The following SMARCA4 variants were observed in gnomAD, a reference collection of about 807,000 sequenced individuals.
SMARCA4 encodes SWI/SNF-related matrix-associated actin-dependent regulator of chromatin subfamily A member 4.
Under a neutral mutation model 193.9 loss-of-function variants are expected in SMARCA4, and 31 were observed. The observed-to-expected ratio is 0.16, with a 90% CI of 0.12 to 0.22. The LOEUF (loss-of-function observed/expected upper bound fraction) is 0.22, where lower values mean the gene tolerates loss of function less well. Among genes scored for constraint, SMARCA4 ranks in the 10% least tolerant of loss-of-function variants. The pLI is 1.00. For missense variants in SMARCA4, 1,148 were observed against 2,296.0 expected (o/e 0.50, Z 10.22); for synonymous variants, 942 against 933.1 (o/e 1.01, Z -0.17).
In SMARCA4 at chr19:10,987,746, G is replaced by A. The variant is rs764188556; in HGVS notation, c.940G>A (p.Ala314Thr). The change falls in exon 6 of 35, where the codon GCG (alanine) becomes ACG (threonine). Residue 314 changes from alanine to threonine, a missense_variant. Ala to Thr is a moderately conservative substitution (Grantham distance 58, BLOSUM62 0). Transcript: ENST00000344626. The surrounding 1 kb of genome is among the most constrained non-coding windows in gnomAD (Gnocchi z 5.3). The part of the protein sequence containing the change: ...PPQPTGRPSP[A>T]PPAVPPAASP... ...GCAGCCAACGGGCCGCCCTTCCCCC[G>A]CGCCCCCTGCCGTCCCACCCGCCGC... The A allele has an allele frequency of 4.5e-6, 7 of 1,566,638 alleles. No homozygotes were observed. The highest frequency in any genetic ancestry group is 1.7e-5 in the Admixed American group (1 of 58,800).
chr19:10,990,746 G>T (rs928846354), intron 7 of SMARCA4, among the ~76,000 whole-genome samples: 3 of 152,194 alleles, frequency 2.0e-5, no homozygotes, highest in Admixed American at 1.3e-4. Context: ...TTTTGTAGAA[G>T]TGAGGTCTCT....
At chr19:11,006,608 C>A (rs982214737) in intron 13 of SMARCA4, among the ~76,000 whole-genome samples, 1 of 151,762 alleles carries the variant, frequency 6.6e-6, no homozygotes. Flanking sequence ...AAAAATTAGC[C>A]GGGGTGATGG....
chr19:11,013,917 C>T (rs2089108541), intron 16 of SMARCA4, among the ~76,000 whole-genome samples: 1 of 152,118 alleles, frequency 6.6e-6, no homozygotes, highest in African/African-American at 2.4e-5. Flanking sequence ...CAGAGTCCGC[C>T]CCCCTGCCCA....
intron 16 of SMARCA4, among the ~76,000 whole-genome samples, chr19:11,017,448 C>T (rs1057430689): frequency 2.0e-5 from 3 of 152,242 alleles, no homozygotes; most frequent in African/African-American, 7.2e-5. Flanking sequence ...TGCTGTGGAA[C>T]GCCAGCTCCT....
At chr19:10,972,577 G>GTCA (rs1568398817) in intron 1 of SMARCA4, among the ~76,000 whole-genome samples, 1 of 152,166 alleles carries the variant, frequency 6.6e-6, no homozygotes, top group Non-Finnish European at 1.5e-5. Flanking sequence ...TTTGGGGGTA[G>GTCA]TCATCAGTAA....
At chr19:11,054,328 G>T (rs2076424710) in intron 30 of SMARCA4, among the ~76,000 whole-genome samples, 1 of 152,212 alleles carries the variant, frequency 6.6e-6, no homozygotes, top group Admixed American at 6.5e-5. Flanking sequence ...CCCACCTCGG[G>T]ACCTGCTGCT....
chr19:11,026,943 C>G (rs2090309878), intron 23 of SMARCA4, among the ~76,000 whole-genome samples: 1 of 152,194 alleles, frequency 6.6e-6, no homozygotes, highest in African/African-American at 2.4e-5. Flanking sequence ...CTCTCTGAGC[C>G]TAAACTCTGC....
At chr19:11,060,520 G>T in intron 34 of SMARCA4, 1 of 473,804 alleles carries the variant, frequency 2.1e-6, no homozygotes, top group Non-Finnish European at 3.9e-6. Context: ...CTTGATTAGG[G>T]TTGGGTAGGA....
chr19:11,033,206 A>G lies in SMARCA4; in HGVS notation c.3547-84A>G. The G allele has an allele frequency of 2.9e-6, 3 of 1,045,116 alleles. No individual in the cohort carries two copies. The highest frequency in any genetic ancestry group is 4.5e-6 in the Non-Finnish European group (3 of 666,638). The allele number at this position is 1,045,116 out of a possible 1,614,324, so 64.7% of individuals were successfully genotyped here. A position where few individuals can be genotyped will look rare whatever the true frequency, so the allele number is the denominator to read the frequency against. On this transcript the variant is annotated intron_variant, in intron 25 of 34. Transcript: ENST00000344626. The surrounding 1 kb of genome is among the most constrained non-coding windows in gnomAD (Gnocchi z 9.8). Reference sequence around the variant, plus strand: ...AGGCCGAGGGTGGCACGCACAGCACACCTCTCCAGCTAGTGTCAGAGGCCA... The same window carrying G: ...AGGCCGAGGGTGGCACGCACAGCACGCCTCTCCAGCTAGTGTCAGAGGCCA...
chr19:11,039,605 ACGTGC>A, intron 29 of SMARCA4: 1 of 1,066,768 alleles, frequency 9.4e-7, no homozygotes, highest in Non-Finnish European at 1.4e-6. Flanking sequence ...AACACTGGGG[ACGTGC>A]CTAATGCCCC....
In SMARCA4 at chr19:11,041,648, C is replaced by T. The variant is rs2146828187; in HGVS notation, c.4424+88C>T. Reference sequence around the variant, plus strand: ...TGCACTCTGACTCTGCACACTCAGGCTTGGGCCGCTCACTCTTTCACTCAT... The same window carrying T: ...TGCACTCTGACTCTGCACACTCAGGTTTGGGCCGCTCACTCTTTCACTCAT... On this transcript the variant is annotated intron_variant, in intron 30 of 34. Coordinates refer to ENST00000344626, the MANE Select transcript of SMARCA4 (RefSeq NM_003072.5). This position sits in a 1 kb window ranked among gnomAD's most constrained non-coding sequence, Gnocchi z 5.6. 1 of 1,191,860 alleles carries T rather than the reference C, an allele frequency of 8.4e-7. No homozygotes were observed. 73.8% of individuals were successfully genotyped at this position (1,191,860 alleles called of 1,614,324 possible). A position where few individuals can be genotyped will look rare whatever the true frequency, so the allele number is the denominator to read the frequency against.
In SMARCA4 at chr19:11,019,025, T is replaced by C; in HGVS notation, c.2505+2T>C. On this transcript the variant is annotated splice_donor_variant, in intron 17 of 34. Coordinates refer to ENST00000344626, the MANE Select transcript of SMARCA4 (RefSeq NM_003072.5). LOFTEE classifies it high-confidence loss of function. The surrounding 1 kb of genome is among the most constrained non-coding windows in gnomAD (Gnocchi z 6.1). ...TCCGTGGTGAAGGTGTCTTACAAGGTAGGTCACAGCCACTGAGGTTTCCTC... is the reference window on the plus strand; with the variant it reads ...TCCGTGGTGAAGGTGTCTTACAAGGCAGGTCACAGCCACTGAGGTTTCCTC... The C allele has an allele frequency of 6.2e-7, 1 of 1,613,016 alleles. No homozygotes were observed. Among genetic ancestry groups the C allele is most frequent in the Non-Finnish European group, 8.5e-7 (1 of 1,178,934 alleles).
At position 10,996,362 on chromosome 19, in the gene SMARCA4, GAAGAAA is replaced by G. The variant is rs1600082918; in HGVS notation, c.1755_1760del (p.Lys587_Lys588del). 6 of 1,614,198 alleles carry G rather than the reference GAAGAAA, an allele frequency of 3.7e-6. No homozygotes were observed. Among genetic ancestry groups the G allele is most frequent in the Non-Finnish European group, 4.2e-6 (5 of 1,180,026 alleles). ...CTGCCCAGGTCGCCAAGGAGAAAAA[GAAGAAA>G]AAGAAAAAGAAGGTGTGCTGGGCCT... On this transcript the variant is annotated inframe_deletion, in exon 10 of 35. Transcript: ENST00000344626.
At chr19:11,048,690 C>G (rs987991479) in intron 30 of SMARCA4, among the ~76,000 whole-genome samples, 1 of 152,130 alleles carries the variant, frequency 6.6e-6, no homozygotes, top group Admixed American at 6.5e-5. Context: ...GGGGCCAGAC[C>G]CTTTTGGAGA....
At chr19:11,010,709 A>G (rs1045670487) in intron 15 of SMARCA4, among the ~76,000 whole-genome samples, 178 bp downstream of exon 15, 1 of 152,108 alleles carries the variant, frequency 6.6e-6, no homozygotes, top group African/African-American at 2.4e-5. Context: ...GTGGTCTGGT[A>G]GGTTAGCTGC....
At position 10,984,248 on chromosome 19, in the gene SMARCA4, G is replaced by C. The variant is rs1060502096; in HGVS notation, c.97G>C (p.Gly33Arg). ...TGGAGCCATGCTGGGCCCTAGCCCG[G>C]GTCCCTCGCCGGGCTCCGCCCACAG... Reference protein sequence around the residue: ...SPGAMLGPSPGPSPGSAHSMM... With the variant: ...SPGAMLGPSPRPSPGSAHSMM... Residue 33 changes from glycine (G) to arginine (R), a missense_variant, in exon 2 of 35, where the codon GGT (glycine) becomes CGT (arginine). Coordinates refer to ENST00000344626, the MANE Select transcript of SMARCA4 (RefSeq NM_003072.5). The surrounding 1 kb of genome is among the most constrained non-coding windows in gnomAD (Gnocchi z 4.3). The C allele has an allele frequency of 6.2e-7, 1 of 1,612,446 alleles. No individual in the cohort carries two copies. Among genetic ancestry groups the C allele is most frequent in the Non-Finnish European group, 8.5e-7 (1 of 1,179,666 alleles).
chr19:10,971,766 C>A (rs2084691701), intron 1 of SMARCA4, among the ~76,000 whole-genome samples: 1 of 148,882 alleles, frequency 6.7e-6, no homozygotes, highest in African/African-American at 2.5e-5. Flanking sequence ...CCATGCCCAC[C>A]CTGAATACTT....
chr19:11,039,059 TAAA>T (rs370936227), intron 29 of SMARCA4, among the ~76,000 whole-genome samples: 1 of 146,180 alleles, frequency 6.8e-6, no homozygotes, highest in Non-Finnish European at 1.5e-5. Context: ...TTGTCTCTAT[TAAA>T]AAAAAAAATG....
chr19:10,996,374 A>T lies in SMARCA4; in HGVS notation c.1755A>T (p.Lys585Asn), dbSNP rs772752194. The change falls in exon 10 of 35, where the codon AAA becomes AAT. Residue 585 changes from lysine (K) to asparagine (N), a missense_variant. Lys to Asn is a moderately conservative substitution (Grantham distance 94, BLOSUM62 0). Coordinates refer to ENST00000344626, the MANE Select transcript of SMARCA4 (RefSeq NM_003072.5). ...CCAAGGAGAAAAAGAAGAAAAAGAA[A>T]AAGAAGGTGTGCTGGGCCTGGCATG... ...QVAKEKKKKK[K>N]KKKAENAEGQ... 5 of 1,614,086 alleles carry T rather than the reference A, an allele frequency of 3.1e-6. No homozygotes were observed. In the African/African-American group the frequency reaches 6.7e-5, roughly 22 times the overall value.
Sources: gnomAD v4.1 joint callset for allele counts (sites outside exome capture counted in the v4.1 genomes callset) on GRCh38, gnomAD v4.1.1 for gene constraint, Gnocchi (gnomAD v3.1) non-coding constraint, MANE v1.5 for transcripts, NCBI Gene and HGNC (gene_info 2026-07-23, HGNC 2026-07-21) for gene names.